The following LZTS1 variants were observed in gnomAD, a reference collection of about 807,000 sequenced individuals.
LZTS1 encodes leucine zipper putative tumor suppressor 1.
A neutral mutation model predicts 45.8 loss-of-function variants in LZTS1; 31 were observed. That is an observed-to-expected ratio of 0.68 (90% CI 0.51 to 0.91). LZTS1 has a LOEUF of 0.91. Among genes scored for constraint, LZTS1 ranks in the 40% least tolerant of loss-of-function variants. The probability of loss-of-function intolerance (pLI) is 0.00; values close to 1 mark genes in which losing one functional copy is unlikely to be tolerated. For synonymous variants in LZTS1, 359 were observed against 357.3 expected, an observed-to-expected ratio of 1.00 and a Z score of -0.05; for missense variants, 821 against 788.9, an observed-to-expected ratio of 1.04 and a Z score of -0.49.
In LZTS1 at chr8:20,255,316, C is replaced by G; in HGVS notation, c.-134-1G>C. The stretch of plus-strand genomic sequence containing the variant: ...CACAGAGCCTGCGAGAGCCGTAGAC[C>G]TGGAAGAAGACACAAGACAGAAGTC... On this transcript the variant is annotated splice_acceptor_variant, in intron 1 of 3. Transcript: ENST00000381569. LOFTEE classifies it low-confidence loss of function (5UTR_SPLICE). 4.2e-6 allele frequency: 6 copies of G among 1,440,514 alleles called. No homozygotes were observed. The highest frequency in any genetic ancestry group is 5.4e-6 in the Non-Finnish European group (6 of 1,102,844). The allele number at this position is 1,440,514 out of a possible 1,614,324, so 89.2% of individuals were successfully genotyped here. A position where few individuals can be genotyped will look rare whatever the true frequency, so the allele number is the denominator to read the frequency against.
intron 1 of LZTS1, among the ~76,000 whole-genome samples, chr8:20,275,361 C>T (rs1255031843): frequency 1.3e-5 from 2 of 149,214 alleles, no homozygotes; most frequent in Non-Finnish European, 3.0e-5. Context: ...GAGATGATCG[C>T]GCCACTGCAC....
chr8:20,275,468 G>A (rs563389051), intron 1 of LZTS1, among the ~76,000 whole-genome samples: 1 of 152,108 alleles, frequency 6.6e-6, no homozygotes, highest in East Asian at 1.9e-4. Flanking sequence ...CCCCCACCCG[G>A]GAGAAGCTTT....
chr8:20,262,397 A>C lies in LZTS1; in HGVS notation c.-134-7082T>G, dbSNP rs187784328. 7.0e-4 allele frequency among the ~76,000 whole-genome samples: 106 copies of C among 152,310 alleles called. 1 individual carries two copies. Among genetic ancestry groups the C allele is most frequent in the African/African-American group, 2.5e-3 (105 of 41,572 alleles). Reference sequence around the variant, plus strand: ...TTAGTGAATGGTAGATAAAAGCCAGAGAGACAGGGAGGACAGGTGTGTGAG... The same window carrying C: ...TTAGTGAATGGTAGATAAAAGCCAGCGAGACAGGGAGGACAGGTGTGTGAG... On this transcript the variant is annotated intron_variant, in intron 1 of 3. Transcript: ENST00000381569.
intron 2 of LZTS1, among the ~76,000 whole-genome samples, chr8:20,254,560 T>C (rs1800040062): frequency 1.3e-5 from 2 of 152,194 alleles, no homozygotes; most frequent in Admixed American, 6.5e-5. Context: ...TACATTTCAG[T>C]GGGACTCCAG....
chr8:20,269,846 C>CCTCTT (rs1208806061), intron 1 of LZTS1, among the ~76,000 whole-genome samples: 1 of 152,172 alleles, frequency 6.6e-6, no homozygotes, highest in Non-Finnish European at 1.5e-5. Flanking sequence ...ACACTGTGGT[C>CCTCTT]CTCTTCACTC....
At chr8:20,290,682 C>A (rs747947576) in intron 1 of LZTS1, among the ~76,000 whole-genome samples, 8 of 152,228 alleles carry the variant, frequency 5.3e-5, no homozygotes, top group African/African-American at 7.2e-5. Flanking sequence ...TGTCCTCTCC[C>A]ACGTGTACAA....
intron 1 of LZTS1, among the ~76,000 whole-genome samples, chr8:20,299,130 G>T (rs1393413510): frequency 6.6e-6 from 1 of 152,148 alleles, no homozygotes. Flanking sequence ...CCTCTGTTTG[G>T]TCTGGGTGGC....
intron 1 of LZTS1, among the ~76,000 whole-genome samples, chr8:20,271,780 G>C (rs1800479145): frequency 6.6e-6 from 1 of 152,226 alleles, no homozygotes; most frequent in Non-Finnish European, 1.5e-5. Context: ...GCTCTGTTAA[G>C]AATTCAAACC....
At chr8:20,290,573 C>A (rs539523157) in intron 1 of LZTS1, 1 of 152,332 alleles carries the variant, frequency 6.6e-6, no homozygotes, top group East Asian at 1.9e-4. Context: ...TTGTTTAATG[C>A]CGTTTAGGCA....
In LZTS1 at chr8:20,253,567, C is replaced by G; in HGVS notation, c.364G>C (p.Val122Leu). Residue 122 changes from valine to leucine, a missense_variant, in exon 3 of 4, where the codon GTG (valine) becomes CTG (leucine). Physicochemically the swap from Val to Leu is conservative, Grantham distance 32. Transcript: ENST00000381569. ...QLEMGSEKGA[V>L]RPTAFKPVLP... The stretch of plus-strand genomic sequence containing the variant: ...ACAGGCTTGAAGGCTGTGGGCCTCA[C>G]TGCACCCTTCTCGGAGCCCTGTAGA... 1 of 1,466,072 alleles carries G rather than the reference C, an allele frequency of 6.8e-7. No homozygotes were observed. Among genetic ancestry groups the G allele is most frequent in the Non-Finnish European group, 9.0e-7 (1 of 1,110,780 alleles). The allele number at this position is 1,466,072 out of a possible 1,614,324, so 90.8% of individuals were successfully genotyped here.
chr8:20,252,929 C>G lies in LZTS1; in HGVS notation c.1002G>C (p.Gln334His), dbSNP rs757398840. 6.2e-7 allele frequency: 1 copy of G among 1,607,250 alleles called. No homozygotes were observed. Among genetic ancestry groups the G allele is most frequent in the Non-Finnish European group, 8.5e-7 (1 of 1,177,928 alleles). ...SQRAQQVLHL[Q>H]VLQLQQEKRQ... ...GCTTCTCCTGCTGAAGCTGCAGTAC[C>G]TGCAGGTGCAGGACCTGCTGCGCGC... The change falls in exon 3 of 4, where the codon CAG becomes CAC. Residue 334 changes from glutamine to histidine, a missense_variant. Transcript: ENST00000381569.
At chr8:20,266,128 T>C (rs28475243) in intron 1 of LZTS1, among the ~76,000 whole-genome samples, 2,910 of 151,948 alleles carry the variant, frequency 0.019, 95 homozygotes, top group African/African-American at 0.065. Flanking sequence ...GCTCAAGAGA[T>C]CCTCCTTCCT....
rs1323096536 is a variant in LZTS1 at position 20,247,700 on chromosome 8, T to TG, written c.*2021dup. 1 of 152,242 alleles carries TG rather than the reference T, an allele frequency of 6.6e-6. No homozygotes were observed. Among genetic ancestry groups the TG allele is most frequent in the African/African-American group, 2.4e-5 (1 of 41,400 alleles). The allele number at this position is 152,242 out of a possible 1,614,324, so 9.4% of individuals were successfully genotyped here. On this transcript the variant is annotated 3_prime_UTR_variant, in exon 4 of 4. Transcript: ENST00000381569. Reference sequence around the variant, plus strand: ...AAGGTAGAGCCAGCCACAGAAAAGGTGACTCTGGCCTCAGCCCGCACTCAG... The same window carrying TG: ...AAGGTAGAGCCAGCCACAGAAAAGGTGGACTCTGGCCTCAGCCCGCACTCAG...
At chr8:20,301,863 G>A (rs965101147) in intron 1 of LZTS1, among the ~76,000 whole-genome samples, 1 of 152,088 alleles carries the variant, frequency 6.6e-6, no homozygotes, top group Admixed American at 6.5e-5. Context: ...GCTGAGACAG[G>A]TTTACCTCGT....
In LZTS1 at chr8:20,265,676, CAAAAA is replaced by C. The variant is rs71222140; in HGVS notation, c.-134-10366_-134-10362del. On this transcript the variant is annotated intron_variant, in intron 1 of 3. Transcript: ENST00000381569. ...CCTGGGCAACAGAGAGACTCTGTCTCAAAAAAAAAAAAAAAAAAAAAAAAAAGGCA... is the reference window on the plus strand; with the variant it reads ...CCTGGGCAACAGAGAGACTCTGTCTCAAAAAAAAAAAAAAAAAAAAAGGCA... Among the ~76,000 whole-genome samples the C allele has an allele frequency of 2.8e-4, 12 of 42,996 alleles. No individual in the cohort carries two copies. The East Asian group carries it at 4.8e-3, about 17-fold the overall frequency. The allele number at this position is 42,996 out of a possible 152,430, so 28.2% of individuals were successfully genotyped here. A position where few individuals can be genotyped will look rare whatever the true frequency, so the allele number is the denominator to read the frequency against.
chr8:20,285,068 C>T (rs1800764437), intron 1 of LZTS1, among the ~76,000 whole-genome samples: 1 of 152,210 alleles, frequency 6.6e-6, no homozygotes, highest in Admixed American at 6.5e-5. Context: ...CATAGGCACA[C>T]AGTGAGGATC....
chr8:20,275,462 C>G (rs566099184), intron 1 of LZTS1, among the ~76,000 whole-genome samples: 7 of 151,842 alleles, frequency 4.6e-5, no homozygotes, highest in South Asian at 2.1e-4. Flanking sequence ...TTACTTCCCC[C>G]ACCCGGGAGA....
At chr8:20,254,413 C>A (rs1405837132) in intron 2 of LZTS1, among the ~76,000 whole-genome samples, 1 of 152,188 alleles carries the variant, frequency 6.6e-6, no homozygotes, top group Non-Finnish European at 1.5e-5. Context: ...ACCGCACCCA[C>A]CCCCACGAGT....
chr8:20,288,987 G>GTTTT (rs59572169), intron 1 of LZTS1, among the ~76,000 whole-genome samples: 25,322 of 119,386 alleles, frequency 0.21, 3,433 homozygotes, highest in South Asian at 0.38. Flanking sequence ...ATAGCAGCTG[G>GTTTT]TTTTTTTTTT....
Sources: gnomAD v4.1 joint callset for allele counts (sites outside exome capture counted in the v4.1 genomes callset) on GRCh38, gnomAD v4.1.1 for gene constraint, MANE v1.5 for transcripts, NCBI Gene and HGNC (gene_info 2026-07-23, HGNC 2026-07-21) for gene names.